The following LIPC variants were observed in gnomAD, a reference collection of about 807,000 sequenced individuals.
The protein encoded by LIPC is lipase C, hepatic type.
Under a neutral mutation model 50.7 loss-of-function variants are expected in LIPC, and 44 were observed. The ratio of observed to expected loss-of-function variants is 0.87; its 90% CI spans 0.68 to 1.11. The LOEUF is 1.11. Ranked by LOEUF, LIPC falls within the 50% of genes most tolerant of loss-of-function variation. The pLI is 0.00. For synonymous variants in LIPC, 271 were observed against 256.4 expected (o/e 1.06, Z -0.54); for missense variants, 697 against 648.2 (o/e 1.08, Z -0.82).
At chr15:58,506,371 TCTC>T (rs1304246915) in intron 1 of LIPC, among the ~76,000 whole-genome samples, 21 of 152,168 alleles carry the variant, frequency 1.4e-4, no homozygotes, top group Admixed American at 1.4e-3. Flanking sequence ...CGGGCTCAGT[TCTC>T]CTGCCACGAC....
At chr15:58,510,594 G>A (rs1199159311) in intron 1 of LIPC, among the ~76,000 whole-genome samples, 1 of 152,232 alleles carries the variant, frequency 6.6e-6, no homozygotes, top group East Asian at 1.9e-4. Context: ...CAGGCTCTAA[G>A]CAAAGCAACT....
intron 1 of LIPC, among the ~76,000 whole-genome samples, chr15:58,505,506 G>C (rs566370678): frequency 6.6e-6 from 1 of 152,172 alleles, no homozygotes; most frequent in Non-Finnish European, 1.5e-5. Flanking sequence ...CTGCCAGCTT[G>C]GTAGGGATGT....
chr15:58,553,271 C>A (rs926045192), intron 6 of LIPC, among the ~76,000 whole-genome samples: 2 of 152,140 alleles, frequency 1.3e-5, no homozygotes, highest in Non-Finnish European at 2.9e-5. Flanking sequence ...CCATCTCCAC[C>A]GCTCGCAGGC....
chr15:58,458,135 GT>G (rs1566913946), intron 1 of LIPC, among the ~76,000 whole-genome samples: 1 of 150,006 alleles, frequency 6.7e-6, no homozygotes, highest in Non-Finnish European at 1.5e-5. Context: ...ACCTGTTTCC[GT>G]TTTTTTACTC....
intron 1 of LIPC, among the ~76,000 whole-genome samples, chr15:58,458,692 C>T (rs1360954660): frequency 2.0e-5 from 3 of 152,176 alleles, no homozygotes; most frequent in African/African-American, 7.2e-5. Flanking sequence ...CCAAAGAACT[C>T]CCTGTTTCTC....
At chr15:58,530,296 C>T (rs1183925408) in intron 1 of LIPC, among the ~76,000 whole-genome samples, 1 of 152,150 alleles carries the variant, frequency 6.6e-6, no homozygotes, top group African/African-American at 2.4e-5. Context: ...TCCCTGAGAC[C>T]CTGCTCCATG....
In LIPC at chr15:58,528,640, G is replaced by C. The variant is rs571722911; in HGVS notation, c.89-9693G>C. Among the ~76,000 whole-genome samples, 221 of 152,272 alleles carry C rather than the reference G, an allele frequency of 1.5e-3. 3 individuals are homozygous for C. In the South Asian group the frequency reaches 0.037, roughly 25 times the overall value. On this transcript the variant is annotated intron_variant, in intron 1 of 8. Coordinates refer to ENST00000299022, the MANE Select transcript of LIPC (RefSeq NM_000236.3). Reference sequence around the variant, plus strand: ...CCACCTCAACCTCCCAAGTAGCTGGGACTACAGGCACGCACCACCATACCC... The same window carrying C: ...CCACCTCAACCTCCCAAGTAGCTGGCACTACAGGCACGCACCACCATACCC...
chr15:58,485,397 T>C (rs1188491237), intron 1 of LIPC, among the ~76,000 whole-genome samples: 1 of 152,164 alleles, frequency 6.6e-6, no homozygotes, highest in East Asian at 1.9e-4. Flanking sequence ...CGGGAAGCAC[T>C]TGTTTGTCAC....
chr15:58,527,248 C>T (rs1316082748), intron 1 of LIPC, among the ~76,000 whole-genome samples: 1 of 152,156 alleles, frequency 6.6e-6, no homozygotes, highest in African/African-American at 2.4e-5. Context: ...GTCACTGAAC[C>T]CCTCCTTATT....
intron 8 of LIPC, 135 bp from the exon 9 acceptor site, chr15:58,568,581 C>T (rs1338922984): frequency 1.4e-5 from 9 of 661,380 alleles, no homozygotes; most frequent in East Asian, 2.8e-5. Context: ...AAAATATTTG[C>T]GAACATAAGA....
intron 1 of LIPC, among the ~76,000 whole-genome samples, chr15:58,518,424 G>A (rs996765405): frequency 4.6e-5 from 7 of 152,190 alleles, no homozygotes; most frequent in African/African-American, 1.7e-4. Context: ...GTGAGTCTGG[G>A]ACCACGAAAC....
chr15:58,442,600 T>C (rs1366049848), intron 1 of LIPC, among the ~76,000 whole-genome samples: 1 of 152,240 alleles, frequency 6.6e-6, no homozygotes, highest in Non-Finnish European at 1.5e-5. Context: ...TTTAAGAATA[T>C]TTAAATGTGC....
At chr15:58,526,271 G>A (rs565595472) in intron 1 of LIPC, among the ~76,000 whole-genome samples, 62 of 152,370 alleles carry the variant, frequency 4.1e-4, no homozygotes, top group African/African-American at 1.5e-3. Context: ...CTGTGAGGAT[G>A]AGTGTTTCCT....
intron 1 of LIPC, among the ~76,000 whole-genome samples, chr15:58,503,407 A>G (rs1221055460): frequency 2.0e-5 from 3 of 152,142 alleles, no homozygotes; most frequent in Non-Finnish European, 2.9e-5. Context: ...GATTTGTGAA[A>G]GGCTTTAGGG....
rs544617005 is a variant in LIPC at position 58,545,482 on chromosome 15, T to C, written c.575-260T>C. Among the ~76,000 whole-genome samples, 11 of 152,322 alleles carry C rather than the reference T, an allele frequency of 7.2e-5. No homozygotes were observed. The South Asian group carries it at 2.3e-3, about 32-fold the overall frequency. On this transcript the variant is annotated intron_variant, in intron 4 of 8. Coordinates refer to ENST00000299022, the MANE Select transcript of LIPC (RefSeq NM_000236.3). ...CCTCCTGGCCTCAGGCATCATAACCTTGTGTCTACCACTGGAGAGTTTCCG... is the reference window on the plus strand; with the variant it reads ...CCTCCTGGCCTCAGGCATCATAACCCTGTGTCTACCACTGGAGAGTTTCCG...
At chr15:58,468,532 C>T (rs1391120646) in intron 1 of LIPC, among the ~76,000 whole-genome samples, 1 of 152,164 alleles carries the variant, frequency 6.6e-6, no homozygotes, top group Non-Finnish European at 1.5e-5. Context: ...AGCCCTGCCG[C>T]CCACTCGAGA....
intron 1 of LIPC, among the ~76,000 whole-genome samples, chr15:58,446,746 G>A (rs1893708572): frequency 6.6e-6 from 1 of 152,142 alleles, no homozygotes; most frequent in African/African-American, 2.4e-5. Context: ...AGCTACTGTT[G>A]TTTCCCCAGG....
At chr15:58,453,977 C>T (rs754760740) in intron 1 of LIPC, among the ~76,000 whole-genome samples, 5 of 152,170 alleles carry the variant, frequency 3.3e-5, no homozygotes, top group Non-Finnish European at 7.3e-5. Flanking sequence ...ATTTGCAATG[C>T]GTCTTCACAT....
rs373470233 is a variant in LIPC, at chr15:58,545,726, C to G, written c.575-16C>G. On this transcript the variant is annotated splice_polypyrimidine_tract_variant and intron_variant, in intron 4 of 8. Coordinates refer to ENST00000299022, the MANE Select transcript of LIPC (RefSeq NM_000236.3). ...TCCTTGCTCCTGCGTAACCCTTACC[C>G]CTGCTTTCCCATTAGGGCTGGATGC... The G allele has an allele frequency of 1.6e-5, 26 of 1,611,232 alleles. No individual in the cohort carries two copies. In the South Asian group the frequency reaches 2.6e-4, roughly 16 times the overall value.
Sources: gnomAD v4.1 joint callset for allele counts (sites outside exome capture counted in the v4.1 genomes callset) on GRCh38, gnomAD v4.1.1 for gene constraint, MANE v1.5 for transcripts, NCBI Gene and HGNC (gene_info 2026-07-23, HGNC 2026-07-21) for gene names.